Variants in PHEX observed in about 807,000 individuals in gnomAD.
PHEX encodes phosphate-regulating neutral endopeptidase PHEX.
PHEX carries 16 observed loss-of-function variants against 68.0 expected under a neutral mutation model. The ratio of observed to expected loss-of-function variants is 0.24; its 90% confidence interval spans 0.16 to 0.36. The LOEUF (loss-of-function observed/expected upper bound fraction) is 0.36, where lower values mean the gene tolerates loss of function less well. Among genes scored for constraint, PHEX ranks in the 10% least tolerant of loss-of-function variants. The pLI, the probability that PHEX is intolerant of heterozygous loss-of-function variation, is 1.00. For synonymous variants in PHEX, 208 were observed against 205.1 expected, an observed-to-expected ratio of 1.01 and a Z score of -0.12; for missense variants, 480 against 575.5, an observed-to-expected ratio of 0.83 and a Z score of 1.70.
At chrX:22,068,959 C>T (rs776918493) in intron 3 of PHEX, among the ~76,000 whole-genome samples, 16 of 111,347 alleles carry the variant, frequency 1.4e-4, no homozygotes, top group Non-Finnish European at 2.6e-4. Flanking sequence ...GGTGAAACCC[C>T]GACTCTACTA....
At chrX:22,174,728 C>T (rs1435012198) in intron 13 of PHEX, among the ~76,000 whole-genome samples, 4 of 111,743 alleles carry the variant, frequency 3.6e-5, no homozygotes, top group Admixed American at 9.5e-5. Flanking sequence ...TCTGTACTGC[C>T]GTAATTGATG....
intron 13 of PHEX, among the ~76,000 whole-genome samples, chrX:22,176,420 T>C (rs1933712898): frequency 9.6e-6 from 1 of 103,669 alleles, no homozygotes; most frequent in Non-Finnish European, 2.0e-5. Context: ...TATATATATA[T>C]ATATATGTAT....
chrX:22,211,168 G>GGCAAA (rs748072464), intron 15 of PHEX, among the ~76,000 whole-genome samples: 2 of 111,680 alleles, frequency 1.8e-5, no homozygotes, highest in Non-Finnish European at 3.8e-5. Context: ...GAGTTGCAAG[G>GGCAAA]GCAAAGCAAA....
rs886982248 is a variant in PHEX, at chrX:22,143,011, C to T, written c.1404+9387C>T. Among the ~76,000 whole-genome samples, 7 of 112,547 alleles carry T rather than the reference C, an allele frequency of 6.2e-5. No homozygotes were observed. In the Admixed American group the frequency reaches 6.6e-4, roughly 11 times the overall value. On this transcript the variant is annotated intron_variant, in intron 12 of 21. Coordinates refer to ENST00000379374, the MANE Select transcript of PHEX (RefSeq NM_000444.6). The stretch of plus-strand genomic sequence containing the variant: ...AACCAAATCAGAAATCTCAGTCTTT[C>T]CTCTTAGCCAACTTGTAAGCACAAA...
At chrX:22,082,469 CT>C (rs1929435188) in intron 5 of PHEX, among the ~76,000 whole-genome samples, 1 of 112,343 alleles carries the variant, frequency 8.9e-6, no homozygotes, top group African/African-American at 3.2e-5. Context: ...TGATGGTGAG[CT>C]TTTTTTCATA....
intron 6 of PHEX, among the ~76,000 whole-genome samples, chrX:22,090,731 C>T (rs1929843679): frequency 1.8e-5 from 2 of 112,132 alleles, no homozygotes; most frequent in South Asian, 7.4e-4. Flanking sequence ...GCTTGGGAGA[C>T]AGCACTCCCA....
chrX:22,196,834 A>T (rs754478364), intron 15 of PHEX, among the ~76,000 whole-genome samples: 1 of 112,109 alleles, frequency 8.9e-6, no homozygotes, highest in African/African-American at 3.2e-5. Context: ...TCTGCTAAAG[A>T]AGATAAGCCT....
chrX:22,167,366 G>T, intron 12 of PHEX, among the ~76,000 whole-genome samples: 1 of 109,474 alleles, frequency 9.1e-6, no homozygotes, highest in Non-Finnish European at 1.9e-5. Flanking sequence ...ATCTCATTGT[G>T]TTTTTAATTT....
At chrX:22,034,888 C>CT (rs1388716309) in intron 1 of PHEX, among the ~76,000 whole-genome samples, 2 of 111,631 alleles carry the variant, frequency 1.8e-5, no homozygotes, top group African/African-American at 6.5e-5. Context: ...AGGGACACTT[C>CT]TTTTTGTCAA....
At chrX:22,056,130 G>C (rs1289893288) in intron 3 of PHEX, among the ~76,000 whole-genome samples, 1 of 112,210 alleles carries the variant, frequency 8.9e-6, no homozygotes, top group Non-Finnish European at 1.9e-5. Context: ...ACAACATTTT[G>C]ATTGTACTAC....
intron 3 of PHEX, among the ~76,000 whole-genome samples, chrX:22,068,223 G>A (rs1319784854): frequency 1.8e-5 from 2 of 111,487 alleles, no homozygotes; most frequent in African/African-American, 6.5e-5. Flanking sequence ...GTCAAGCCTT[G>A]AGGACCAGCC....
At chrX:22,111,663 CAG>C in intron 10 of PHEX, 103 bp downstream of exon 10, 3 of 641,830 alleles carry the variant, frequency 4.7e-6, no homozygotes, top group Non-Finnish European at 7.8e-6. Flanking sequence ...AGGGATTAGA[CAG>C]GGGGAGTTTG....
chrX:22,150,335 C>T (rs377283158), intron 12 of PHEX, among the ~76,000 whole-genome samples: 14 of 110,929 alleles, frequency 1.3e-4, no homozygotes, highest in African/African-American at 2.6e-4. Context: ...CAATGGAGGC[C>T]GATGCTGCTG....
chrX:22,079,694 C>G (rs1178759839), intron 5 of PHEX, among the ~76,000 whole-genome samples: 1 of 111,258 alleles, frequency 9.0e-6, no homozygotes, highest in East Asian at 2.8e-4. Context: ...AGGGATCCCC[C>G]TATTTTTGTT....
chrX:22,117,001 C>G (rs1479672295), intron 11 of PHEX, among the ~76,000 whole-genome samples: 1 of 111,801 alleles, frequency 8.9e-6, no homozygotes. Context: ...TAGCAGGAGA[C>G]AAGATAAGGG....
In PHEX at chrX:22,032,802, A is replaced by G. The variant is rs1569364595; in HGVS notation, c.-204A>G. The G allele has an allele frequency of 4.6e-6, 2 of 436,778 alleles. No homozygotes were observed. Among genetic ancestry groups the G allele is most frequent in the East Asian group, 7.8e-5 (2 of 25,585 alleles). 36.0% of individuals were successfully genotyped at this position (436,778 alleles called of 1,213,427 possible). ...TCTAGTCAGGGGGAAAGCCAAGGCA[A>G]CCAATATTTTGGTTTTTATAATTTT... On this transcript the variant is annotated 5_prime_UTR_variant, in exon 1 of 22. Coordinates refer to ENST00000379374, the MANE Select transcript of PHEX (RefSeq NM_000444.6).
intron 2 of PHEX, among the ~76,000 whole-genome samples, chrX:22,039,946 A>C (rs1483119630): frequency 9.0e-6 from 1 of 111,608 alleles, no homozygotes; most frequent in Non-Finnish European, 1.9e-5. Context: ...AAAAAAAACA[A>C]AACAAAACAA....
chrX:22,080,599 CT>C (rs770782937), intron 5 of PHEX, among the ~76,000 whole-genome samples: 23 of 111,283 alleles, frequency 2.1e-4, no homozygotes, highest in Non-Finnish European at 4.0e-4. Context: ...GCAAGTGTTG[CT>C]TTTTTATTCA....
Position 22,114,528 on chromosome X carries a change from C to T in PHEX, c.1244C>T (p.Pro415Leu), listed in dbSNP as rs1931148040. 2 of 1,198,702 alleles carry T rather than the reference C, an allele frequency of 1.7e-6. No individual in the cohort carries two copies. The highest frequency in any genetic ancestry group is 2.3e-6 in the Non-Finnish European group (2 of 883,817). ...GTAAACTTTATTGAAAGTGCCCTCC[C>T]TTATGTTGTTGGAAAGATGTTTGTA... ...KCVNFIESAL[P>L]YVVGKMFVDV... Residue 415 changes from proline to leucine, a missense_variant, in exon 11 of 22, where the codon CCT becomes CTT. Physicochemically the swap from Pro to Leu is moderately conservative, Grantham distance 98. Transcript: ENST00000379374.
Sources: gnomAD v4.1 joint callset for allele counts (sites outside exome capture counted in the v4.1 genomes callset) on GRCh38, gnomAD v4.1.1 for gene constraint, MANE v1.5 for transcripts, NCBI Gene and HGNC (gene_info 2026-07-23, HGNC 2026-07-21) for gene names.